The following GSAP variants were observed in gnomAD, a reference collection of about 807,000 sequenced individuals.
GSAP encodes gamma-secretase activating protein, also known as gamma-secretase-activating protein.
A neutral mutation model predicts 131.7 loss-of-function variants in GSAP; 118 were observed. The ratio of observed to expected loss-of-function variants is 0.90; its 90% CI spans 0.77 to 1.04. The LOEUF (loss-of-function observed/expected upper bound fraction) is 1.04, where lower values mean the gene tolerates loss of function less well. Among genes scored for constraint, GSAP ranks in the 50% least tolerant of loss-of-function variants. The pLI is 0.00. For synonymous variants in GSAP, 381 were observed against 363.4 expected (o/e 1.05, Z -0.55); for missense variants, 1,019 against 1,013.2 (o/e 1.01, Z -0.08).
intron 14 of GSAP, among the ~76,000 whole-genome samples, 150 bp downstream of exon 14, chr7:77,360,671 ATCT>A (rs1239589041): frequency 6.6e-6 from 1 of 152,194 alleles, no homozygotes; most frequent in African/African-American, 2.4e-5. Flanking sequence ...TCCAGAGAAA[ATCT>A]TCTCTCATCA....
chr7:77,374,211 T>TG, intron 11 of GSAP, 56 bp from the exon 12 acceptor site: 6 of 869,314 alleles, frequency 6.9e-6, no homozygotes, highest in Non-Finnish European at 1.1e-5. Context: ...CATCCCTTCA[T>TG]AAAGGATGTG....
intron 26 of GSAP, chr7:77,315,316 A>G (rs1044092474): frequency 6.6e-6 from 1 of 152,268 alleles, no homozygotes; most frequent in African/African-American, 2.4e-5. Flanking sequence ...GCTGCAGGCA[A>G]CTAAGCCTTT....
At chr7:77,331,199 G>C (rs1584297979) in intron 19 of GSAP, among the ~76,000 whole-genome samples, 2 of 152,204 alleles carry the variant, frequency 1.3e-5, no homozygotes, top group Admixed American at 1.3e-4. Context: ...TACTCAGGAG[G>C]CTGAGGCAGG....
At chr7:77,408,689 C>CAAAAAAAAAAAAA (rs749202124) in intron 1 of GSAP, among the ~76,000 whole-genome samples, 3 of 67,024 alleles carry the variant, frequency 4.5e-5, no homozygotes, top group South Asian at 5.3e-4. Flanking sequence ...ACTCTGCCTC[C>CAAAAAAAAAAAAA]AAAAAAAAAA....
rs1787627335 is a variant in GSAP at position 77,321,405 on chromosome 7, TG to T, written c.1924-3del. On this transcript the variant is annotated splice_polypyrimidine_tract_variant and splice_region_variant and intron_variant, in intron 24 of 30. Coordinates refer to ENST00000257626, the MANE Select transcript of GSAP (RefSeq NM_017439.4). ...TACGATGTGGCAAATGAGATCCAGC[TG>T]GAGGGTGAAGACAGTCCATTAACCA... 3 of 1,595,978 alleles carry T rather than the reference TG, an allele frequency of 1.9e-6. No homozygotes were observed. Among genetic ancestry groups the T allele is most frequent in the Non-Finnish European group, 2.6e-6 (3 of 1,163,744 alleles).
chr7:77,371,435 T>C (rs1309344849), intron 12 of GSAP, among the ~76,000 whole-genome samples: 18 of 24,302 alleles, frequency 7.4e-4, no homozygotes, highest in African/African-American at 2.1e-4. Context: ...TTTTTTCTTT[T>C]TTTTTTTTTT....
chr7:77,374,873 T>C (rs915387973), intron 11 of GSAP, among the ~76,000 whole-genome samples, 185 bp downstream of exon 11: 2 of 152,188 alleles, frequency 1.3e-5, no homozygotes, highest in African/African-American at 2.4e-5. Flanking sequence ...TGACCTTATA[T>C]GTAAAATCCT....
intron 19 of GSAP, among the ~76,000 whole-genome samples, chr7:77,345,929 T>G (rs191699705): frequency 2.0e-5 from 3 of 152,270 alleles, no homozygotes; most frequent in East Asian, 3.9e-4. Context: ...TCAAATGCTA[T>G]AAAAATCGTC....
intron 19 of GSAP, among the ~76,000 whole-genome samples, chr7:77,344,864 A>T (rs974622137): frequency 6.6e-6 from 1 of 152,156 alleles, no homozygotes; most frequent in Non-Finnish European, 1.5e-5. Flanking sequence ...ATCCTTCTTT[A>T]ACAAACAATT....
At chr7:77,366,282 TG>T (rs1262822390) in intron 12 of GSAP, among the ~76,000 whole-genome samples, 5 of 152,210 alleles carry the variant, frequency 3.3e-5, no homozygotes, top group African/African-American at 1.2e-4. Flanking sequence ...TGATTACTTT[TG>T]ATGTCTTTGT....
At chr7:77,319,556 G>GT (rs1421726659) in intron 26 of GSAP, among the ~76,000 whole-genome samples, 1 of 152,156 alleles carries the variant, frequency 6.6e-6, no homozygotes, top group African/African-American at 2.4e-5. Flanking sequence ...ATAAATATCT[G>GT]TAAGAACTGA....
chr7:77,413,466 C>G (rs546657045), intron 1 of GSAP, among the ~76,000 whole-genome samples: 1 of 152,220 alleles, frequency 6.6e-6, no homozygotes, highest in African/African-American at 2.4e-5. Flanking sequence ...AAAGGAAAAT[C>G]TAAGGGGTGC....
intron 17 of GSAP, 99 bp downstream of exon 17, chr7:77,353,473 G>C (rs1793201858): frequency 1.5e-6 from 1 of 670,336 alleles, no homozygotes; most frequent in South Asian, 1.8e-5. Flanking sequence ...CTCCAAAGTA[G>C]CATTTGGACA....
chr7:77,401,594 A>T (rs983168476), intron 3 of GSAP, among the ~76,000 whole-genome samples: 1 of 152,182 alleles, frequency 6.6e-6, no homozygotes, highest in Admixed American at 6.5e-5. Context: ...AAAAATGGTT[A>T]AAAAAAGTTC....
intron 5 of GSAP, among the ~76,000 whole-genome samples, chr7:77,396,037 C>T (rs145084209): frequency 1.3e-5 from 2 of 152,240 alleles, no homozygotes; most frequent in East Asian, 1.9e-4. Context: ...TTTACAAATT[C>T]GATCTTTACA....
chr7:77,348,741 T>G (rs765460996), intron 19 of GSAP, among the ~76,000 whole-genome samples: 3 of 152,210 alleles, frequency 2.0e-5, no homozygotes, highest in African/African-American at 4.8e-5. Flanking sequence ...TCTCCTATGG[T>G]ACTCCAAAAC....
At chr7:77,406,956 G>A (rs894848397) in intron 1 of GSAP, among the ~76,000 whole-genome samples, 1 of 152,212 alleles carries the variant, frequency 6.6e-6, no homozygotes, top group Non-Finnish European at 1.5e-5. Flanking sequence ...AAAGGCCTCT[G>A]ATAAAGAGGC....
intron 5 of GSAP, among the ~76,000 whole-genome samples, chr7:77,395,393 T>G (rs1800202402): frequency 6.6e-6 from 1 of 152,058 alleles, no homozygotes; most frequent in Admixed American, 6.6e-5. Flanking sequence ...TATCCTGGGG[T>G]TTTGCCCATA....
chr7:77,339,216 G>A (rs1163218690), intron 19 of GSAP, among the ~76,000 whole-genome samples: 1 of 152,110 alleles, frequency 6.6e-6, no homozygotes, highest in Admixed American at 6.6e-5. Flanking sequence ...TTGGGACTTG[G>A]GGGTAGAAGA....
Sources: allele counts gnomAD v4.1 joint callset (sites outside exome capture counted in the v4.1 genomes callset), GRCh38; gene constraint gnomAD v4.1.1; transcripts MANE v1.5; gene names NCBI Gene and HGNC (gene_info 2026-07-23, HGNC 2026-07-21).